The following STK11IP variants were observed in gnomAD, a reference collection of about 807,000 sequenced individuals.
The protein encoded by STK11IP is serine/threonine kinase 11 interacting protein, also known as serine/threonine-protein kinase 11-interacting protein.
STK11IP carries 103 observed loss-of-function variants against 131.7 expected under a neutral mutation model. The observed-to-expected ratio is 0.78, with a 90% CI of 0.67 to 0.92. The LOEUF (loss-of-function observed/expected upper bound fraction) is 0.92. Among genes scored for constraint, STK11IP ranks in the 40% least tolerant of loss-of-function variants. The pLI is 0.00. For synonymous variants in STK11IP, 557 were observed against 575.6 expected (o/e 0.97, Z 0.46); for missense variants, 1,315 against 1,385.7 (o/e 0.95, Z 0.81).
At position 219,605,729 on chromosome 2, in the gene STK11IP, T is replaced by C; in HGVS notation, c.740T>C (p.Leu247Pro). The C allele has an allele frequency of 6.3e-7, 1 of 1,596,802 alleles. No homozygotes were observed. Among genetic ancestry groups the C allele is most frequent in the Admixed American group, 1.8e-5 (1 of 56,850 alleles). Residue 247 changes from leucine to proline, a missense_variant, in exon 8 of 25, where the codon CTG becomes CCG. Physicochemically the swap from Leu to Pro is moderately conservative, Grantham distance 98 (BLOSUM62 -3). Coordinates refer to ENST00000456909, the MANE Select transcript of STK11IP (RefSeq NM_052902.4). ...LILRGNELRS[L>P]HGLEQLRNLR... ...CTGCGAGGCAATGAGCTTCGGAGCC[T>C]GCATGGTGAGTGGGGGTGTGTGATG...
At position 219,598,060 on chromosome 2, in the gene STK11IP, C is replaced by G. The variant is rs745995117; in HGVS notation, c.-26-34C>G. On this transcript the variant is annotated intron_variant, in intron 1 of 24. Transcript: ENST00000456909. ...CTGGGCTTTTGGCACTACCGCCCACCTGAGGCTCTTCCGCTTCCTCTTTCC... is the reference window on the plus strand; with the variant it reads ...CTGGGCTTTTGGCACTACCGCCCACGTGAGGCTCTTCCGCTTCCTCTTTCC... The G allele has an allele frequency of 3.8e-6, 6 of 1,571,344 alleles. No individual in the cohort carries two copies. In the South Asian group the frequency reaches 7.0e-5, roughly 18 times the overall value.
chr2:219,606,096 C>T, intron 9 of STK11IP, 37 bp downstream of exon 9: 1 of 1,555,962 alleles, frequency 6.4e-7, no homozygotes, highest in Non-Finnish European at 8.7e-7. Context: ...GGGAACCACC[C>T]TTGCACGTAC....
At position 219,605,936 on chromosome 2, in the gene STK11IP, CCTT is replaced by C; in HGVS notation, c.746-16_746-14del. On this transcript the variant is annotated splice_polypyrimidine_tract_variant and intron_variant, in intron 8 of 24. Transcript: ENST00000456909. ...TGTACTCATCCACATGCTCTTCCTT[CCTT>C]CTTGCGTCCACCCCAGGCCTAGAGC... 1.3e-6 allele frequency: 2 copies of C among 1,579,382 alleles called. No homozygotes were observed. Among genetic ancestry groups the C allele is most frequent in the Non-Finnish European group, 1.7e-6 (2 of 1,160,956 alleles).
At chr2:219,611,474 G>T in intron 17 of STK11IP, 130 bp from the exon 18 acceptor site, 1 of 764,698 alleles carries the variant, frequency 1.3e-6, no homozygotes, top group African/African-American at 1.7e-5. Context: ...CTGGGGCGCG[G>T]TGGTTGTGTA....
At position 219,597,926 on chromosome 2, in the gene STK11IP, A is replaced by G; in HGVS notation, c.-27+3A>G. The G allele has an allele frequency of 6.2e-7, 1 of 1,612,158 alleles. No homozygotes were observed. Among genetic ancestry groups the G allele is most frequent in the East Asian group, 2.2e-5 (1 of 44,592 alleles). ...GGAGGACCAGACGGGGAGGTTCGGT[A>G]TGTCTGACCAGGACTTATGTTCCTC... On this transcript the variant is annotated splice_donor_region_variant and intron_variant, in intron 1 of 24. Transcript: ENST00000456909.
chr2:219,613,827 G>C lies in STK11IP; in HGVS notation c.2613G>C (p.Leu871=), dbSNP rs368313664. Residue 871 remains leucine (L), a synonymous_variant, in exon 21 of 25, where the codon CTG becomes CTC. Transcript: ENST00000456909. ...ATCTGAGTGGCATAGAGCTGGGCCT[G>C]GCAGGCCAGAGCCTGCGGCTAGAGT... ...LQDLSGIELG[L]AGQSLRLEWA... The C allele has an allele frequency of 2.0e-5, 33 of 1,612,284 alleles. No homozygotes were observed. The African/African-American group carries it at 2.8e-4, about 14-fold the overall frequency.
chr2:219,614,640 CA>C, intron 23 of STK11IP, 94 bp downstream of exon 23: 1 of 1,230,862 alleles, frequency 8.1e-7, no homozygotes, highest in Non-Finnish European at 1.2e-6. Flanking sequence ...AGTGCCCTTG[CA>C]GCAACTGTCA....
At position 219,615,354 on chromosome 2, in the gene STK11IP, A is replaced by G. The variant is rs562707453; in HGVS notation, c.3117+13A>G. 25 of 1,589,522 alleles carry G rather than the reference A, an allele frequency of 1.6e-5. No individual in the cohort carries two copies. The highest frequency in any genetic ancestry group is 2.1e-5 in the Non-Finnish European group (25 of 1,170,788). ...CTTCTACGATGAGGTGTGTATGTGTATCTCCAGTGAGAGGGAGGGAGGGGA... is the reference window on the plus strand; with the variant it reads ...CTTCTACGATGAGGTGTGTATGTGTGTCTCCAGTGAGAGGGAGGGAGGGGA... On this transcript the variant is annotated intron_variant, in intron 24 of 24. Transcript: ENST00000456909.
chr2:219,600,059 GTTTTTTTTTT>G (rs57060581), intron 2 of STK11IP, among the ~76,000 whole-genome samples: 2 of 91,700 alleles, frequency 2.2e-5, no homozygotes, highest in Non-Finnish European at 4.2e-5. Context: ...TTTTGTTTTT[GTTTTTTTTTT>G]TTTTTTTTTT....
chr2:219,609,244 G>T (rs1178216227), intron 16 of STK11IP, 31 bp downstream of exon 16: 1 of 1,577,690 alleles, frequency 6.3e-7, no homozygotes, highest in East Asian at 2.3e-5. Flanking sequence ...GGCCCAGGAG[G>T]CTGTGGGGAT....
chr2:219,611,762 C>T lies in STK11IP; in HGVS notation c.2263C>T (p.Leu755Phe), dbSNP rs1027058521. Residue 755 changes from leucine (L) to phenylalanine (F), a missense_variant, in exon 18 of 25, where the codon CTT (leucine) becomes TTT (phenylalanine). Transcript: ENST00000456909. ...VCHPPGHGDH[L>F]DRAKNSPPQA... The stretch of plus-strand genomic sequence containing the variant: ...CCACCCTCCTGGCCATGGTGACCAC[C>T]TTGACAGGGCCAAGAACAGCCCACC... 1 of 1,612,984 alleles carries T rather than the reference C, an allele frequency of 6.2e-7. No individual in the cohort carries two copies. Among genetic ancestry groups the T allele is most frequent in the Non-Finnish European group, 8.5e-7 (1 of 1,179,886 alleles).
chr2:219,612,760 G>C (rs936175457), intron 19 of STK11IP, among the ~76,000 whole-genome samples: 1 of 152,198 alleles, frequency 6.6e-6, no homozygotes, highest in Admixed American at 6.5e-5. Context: ...GCCAGGTCAG[G>C]AGCTGCCTCC....
intron 4 of STK11IP, 22 bp from the exon 5 acceptor site, chr2:219,601,966 C>T (rs746660645): frequency 1.9e-6 from 3 of 1,592,344 alleles, no homozygotes; most frequent in Non-Finnish European, 1.7e-6. Flanking sequence ...CTGCCTTCCT[C>T]CCTCCTCTTT....
intron 5 of STK11IP, 141 bp from the exon 6 acceptor site, chr2:219,602,327 C>A: frequency 1.4e-6 from 1 of 691,250 alleles, no homozygotes; most frequent in Non-Finnish European, 2.4e-6. Flanking sequence ...GTTCTTGGGT[C>A]AGGGACCTGG....
rs766700356 is a variant in STK11IP, at chr2:219,602,016, A to T, written c.371A>T (p.His124Leu). 2 of 1,611,722 alleles carry T rather than the reference A, an allele frequency of 1.2e-6. No individual in the cohort carries two copies. The highest frequency in any genetic ancestry group is 1.1e-5 in the South Asian group (1 of 90,382). Residue 124 changes from histidine to leucine, a missense_variant, in exon 5 of 25, where the codon CAT (histidine) becomes CTT (leucine). Transcript: ENST00000456909. Reference protein sequence around the residue: ...ELRGVPLHCLHGLRGIYSQLE... With the variant: ...ELRGVPLHCLLGLRGIYSQLE... ...CGAGGTGTTCCCCTCCACTGTCTGC[A>T]TGGCCTCCGAGGCATCTACTCCCAG...
In STK11IP at chr2:219,608,767, C is replaced by G. The variant is rs542660654; in HGVS notation, c.1788C>G (p.Ala596=). The change falls in exon 15 of 25, where the codon GCC becomes GCG. Residue 596 remains alanine (A), a synonymous_variant. Transcript: ENST00000456909. Reference sequence around the variant, plus strand: ...CTGAGATAGAGCCGGAGGCCCAGGCCCAGAGGTCGCCCAGGCCCACGGTGA... The same window carrying G: ...CTGAGATAGAGCCGGAGGCCCAGGCGCAGAGGTCGCCCAGGCCCACGGTGA... ...EAAEIEPEAQ[A]QRSPRPTGSD... is the part of the protein sequence containing the mutation. 1.2e-6 allele frequency: 2 copies of G among 1,607,696 alleles called. No individual in the cohort carries two copies. Among genetic ancestry groups the G allele is most frequent in the African/African-American group, 1.3e-5 (1 of 74,946 alleles).
intron 17 of STK11IP, 196 bp downstream of exon 17, chr2:219,609,736 T>G: frequency 7.5e-6 from 4 of 529,830 alleles, no homozygotes; most frequent in Non-Finnish European, 1.2e-5. Context: ...AAGAAGAAAC[T>G]ATATCCTGTT....
chr2:219,601,805 A>T, intron 4 of STK11IP, 90 bp downstream of exon 4: 7 of 1,428,906 alleles, frequency 4.9e-6, no homozygotes, highest in South Asian at 1.2e-5. Context: ...TTTGGTGAGG[A>T]GGCCAGGCCT....
Position 219,601,362 on chromosome 2 carries a change from C to G in STK11IP, c.189C>G (p.Pro63=). ...GPGQTGFVAL[P]SHPADSPVIL... ...GCCAGACAGGCTTTGTGGCTCTGCC[C>G]TCCCATCCTGCCGACTCCCCTGTTA... is the stretch of plus-strand genomic sequence containing the variant. Residue 63 remains proline (P), a synonymous_variant, in exon 3 of 25, where the codon CCC becomes CCG. Coordinates refer to ENST00000456909, the MANE Select transcript of STK11IP (RefSeq NM_052902.4). The G allele has an allele frequency of 6.2e-7, 1 of 1,614,072 alleles. No homozygotes were observed. Among genetic ancestry groups the G allele is most frequent in the Non-Finnish European group, 8.5e-7 (1 of 1,179,902 alleles).
Sources: allele counts gnomAD v4.1 joint callset (sites outside exome capture counted in the v4.1 genomes callset), GRCh38; gene constraint gnomAD v4.1.1; transcripts MANE v1.5; gene names NCBI Gene and HGNC (gene_info 2026-07-23, HGNC 2026-07-21).